PRKG1: variants seen among roughly 807,000 people sequenced by gnomAD.
The protein encoded by PRKG1 is protein kinase cGMP-dependent 1.
PRKG1 carries 35 observed loss-of-function variants against 88.1 expected under a neutral mutation model. The observed-to-expected ratio is 0.40, with a 90% CI of 0.30 to 0.53. PRKG1 has a LOEUF of 0.53. PRKG1 is among the 20% of genes least tolerant of loss of function. The probability of loss-of-function intolerance (pLI) is 0.59; values close to 1 mark genes in which losing one functional copy is unlikely to be tolerated. For synonymous variants in PRKG1, 303 were observed against 292.5 expected, an observed-to-expected ratio of 1.04 and a Z score of -0.37; for missense variants, 540 against 839.8, an observed-to-expected ratio of 0.64 and a Z score of 4.41.
At chr10:51,321,668 G>T (rs1841460312) in intron 2 of PRKG1, among the ~76,000 whole-genome samples, 1 of 152,172 alleles carries the variant, frequency 6.6e-6, no homozygotes, top group East Asian at 1.9e-4. Flanking sequence ...TAGTTAGAAA[G>T]AATAAATAAG....
At chr10:51,006,935 GA>G (rs1189062931) in intron 1 of PRKG1, among the ~76,000 whole-genome samples, 4 of 105,176 alleles carry the variant, frequency 3.8e-5, no homozygotes, top group Admixed American at 2.6e-4. Context: ...AAGGGCCTGA[GA>G]TTTTTTTTTT....
chr10:52,027,657 A>T (rs1374414154), intron 5 of PRKG1, among the ~76,000 whole-genome samples: 1 of 152,220 alleles, frequency 6.6e-6, no homozygotes, highest in African/African-American at 2.4e-5. Flanking sequence ...TATGACAGTG[A>T]CTTGCTGCTT....
intron 2 of PRKG1, among the ~76,000 whole-genome samples, chr10:51,180,633 T>C (rs565548984): frequency 6.6e-6 from 1 of 152,360 alleles, no homozygotes; most frequent in African/African-American, 2.4e-5. Flanking sequence ...AATTTCACCC[T>C]GCCTGCTTGC....
chr10:51,131,991 GA>G (rs1330143810), intron 1 of PRKG1, among the ~76,000 whole-genome samples: 1 of 152,004 alleles, frequency 6.6e-6, no homozygotes, highest in Non-Finnish European at 1.5e-5. Context: ...ACAATAAATA[GA>G]TTTTTTTACA....
Position 51,000,022 on chromosome 10 carries a change from A to G in PRKG1, c.266+8378A>G, listed in dbSNP as rs190011220. Among the ~76,000 whole-genome samples the G allele has an allele frequency of 5.9e-4, 90 of 152,318 alleles. No individual in the cohort carries two copies. The Middle Eastern group carries it at 0.014, about 23-fold the overall frequency. On this transcript the variant is annotated intron_variant, in intron 1 of 17. Transcript: ENST00000401604. Reference sequence around the variant, plus strand: ...ATTTTAAAAATCCTGAAGCCTTCCCAAGAATAAAACCAGTTCACACTCCAT... The same window carrying G: ...ATTTTAAAAATCCTGAAGCCTTCCCGAGAATAAAACCAGTTCACACTCCAT...
Position 51,153,255 on chromosome 10 carries a change from T to C in PRKG1, c.403T>C (p.Tyr135His). 6.2e-7 allele frequency: 1 copy of C among 1,612,630 alleles called. No homozygotes were observed. The highest frequency in any genetic ancestry group is 8.5e-7 in the Non-Finnish European group (1 of 1,179,014). Reference sequence around the variant, plus strand: ...GATCCAGGAGATTGTGGATTGTATGTACCCGGTGGAGTATGGCAAGGACAG... The same window carrying C: ...GATCCAGGAGATTGTGGATTGTATGCACCCGGTGGAGTATGGCAAGGACAG... ...SQIQEIVDCM[Y>H]PVEYGKDSCI... Residue 135 changes from tyrosine (Y) to histidine (H), a missense_variant, in exon 2 of 18, where the codon TAC becomes CAC. By Grantham distance (83) the Tyr-to-His change is moderately conservative (BLOSUM62 2). Coordinates refer to ENST00000373980, the MANE Select transcript of PRKG1 (RefSeq NM_006258.4).
intron 2 of PRKG1, among the ~76,000 whole-genome samples, chr10:51,193,700 T>C (rs1439261950): frequency 6.6e-6 from 1 of 152,132 alleles, no homozygotes; most frequent in African/African-American, 2.4e-5. Flanking sequence ...TTCTTATCCC[T>C]GGATCCAACT....
intron 7 of PRKG1, among the ~76,000 whole-genome samples, chr10:52,092,825 G>C (rs2133325945): frequency 6.6e-6 from 1 of 152,288 alleles, no homozygotes. Context: ...CAAGATAAAA[G>C]CAGAATGTTG....
At chr10:51,232,762 G>C (rs571021616) in intron 2 of PRKG1, among the ~76,000 whole-genome samples, 1 of 152,222 alleles carries the variant, frequency 6.6e-6, no homozygotes, top group African/African-American at 2.4e-5. Context: ...CCCTGTGCTA[G>C]ACACGTTTCT....
At position 52,232,969 on chromosome 10, in the gene PRKG1, T is replaced by C. The variant is rs138820009; in HGVS notation, c.1077-18601T>C. Among the ~76,000 whole-genome samples the C allele has an allele frequency of 5.3e-5, 8 of 152,340 alleles. No homozygotes were observed. The East Asian group carries it at 1.5e-3, about 29-fold the overall frequency. ...ACCGAGAATCCAATCAGATACTGTC[T>C]GTTCTTTGAAAACATTAAGTGGACA... On this transcript the variant is annotated intron_variant, in intron 9 of 17. Coordinates refer to ENST00000373980, the MANE Select transcript of PRKG1 (RefSeq NM_006258.4).
chr10:51,616,291 T>C (rs1368510891), intron 3 of PRKG1, among the ~76,000 whole-genome samples: 2 of 152,158 alleles, frequency 1.3e-5, no homozygotes, highest in Non-Finnish European at 2.9e-5. Flanking sequence ...TCTTGGCCCT[T>C]CAGGTGATTT....
intron 2 of PRKG1, among the ~76,000 whole-genome samples, chr10:51,154,806 T>C (rs999789678): frequency 6.6e-6 from 1 of 151,930 alleles, no homozygotes; most frequent in Non-Finnish European, 1.5e-5. Flanking sequence ...AAAATACACA[T>C]AATGTACACT....
rs370332418 is a variant in PRKG1 at position 51,770,408 on chromosome 10, T to C, written c.593-34177T>C. On this transcript the variant is annotated intron_variant, in intron 3 of 17. Transcript: ENST00000373980. ...GCAGTATGGTATTTAAAGTTATTAA[T>C]TGATCTAGATCTGTTGTTTGGAAAG... Among the ~76,000 whole-genome samples, 25 of 152,362 alleles carry C rather than the reference T, an allele frequency of 1.6e-4. 1 individual carries two copies. The East Asian group carries it at 4.0e-3, about 25-fold the overall frequency.
At chr10:51,228,018 G>A (rs998451162) in intron 2 of PRKG1, among the ~76,000 whole-genome samples, 1 of 151,856 alleles carries the variant, frequency 6.6e-6, no homozygotes, top group African/African-American at 2.4e-5. Flanking sequence ...TTTGGAGGGG[G>A]TGGGGAGAAT....
rs544211101 is a variant in PRKG1, at chr10:51,088,435, T to G, written c.311+13534T>G. On this transcript the variant is annotated intron_variant, in intron 1 of 17. Transcript: ENST00000373980. ...GTTCAATCATTTACCAAATATTTGT[T>G]AAGGAACTAATATAGGGTAAGACTA... Among the ~76,000 whole-genome samples the G allele has an allele frequency of 1.2e-4, 18 of 152,088 alleles. No individual in the cohort carries two copies. In the South Asian group the frequency reaches 3.7e-3, roughly 32 times the overall value.
chr10:51,633,375 T>G (rs1215573720), intron 3 of PRKG1, among the ~76,000 whole-genome samples: 2 of 152,082 alleles, frequency 1.3e-5, no homozygotes, highest in Non-Finnish European at 1.5e-5. Flanking sequence ...ACAGTTTAGC[T>G]GAACATCCTG....
intron 5 of PRKG1, among the ~76,000 whole-genome samples, chr10:51,959,927 A>G (rs149048895): frequency 6.6e-6 from 1 of 152,276 alleles, no homozygotes; most frequent in African/African-American, 2.4e-5. Context: ...AAGTATAAAC[A>G]GAGCTATCAC....
chr10:51,229,467 A>T (rs1838777788), intron 2 of PRKG1, among the ~76,000 whole-genome samples: 2 of 152,202 alleles, frequency 1.3e-5, no homozygotes, highest in Admixed American at 6.5e-5. Flanking sequence ...TTAAGAAGTC[A>T]GGTGACAAGG....
intron 2 of PRKG1, among the ~76,000 whole-genome samples, chr10:51,458,020 T>C (rs762551878): frequency 5.9e-5 from 9 of 152,194 alleles, no homozygotes; most frequent in Non-Finnish European, 1.0e-4. Flanking sequence ...AGCAGATGTT[T>C]AGTATTTTTT....
Sources: gnomAD v4.1 joint callset for allele counts (sites outside exome capture counted in the v4.1 genomes callset) on GRCh38, gnomAD v4.1.1 for gene constraint, MANE v1.5 for transcripts, NCBI Gene and HGNC (gene_info 2026-07-23, HGNC 2026-07-21) for gene names.